Variants in ATP8A1 observed in about 807,000 individuals in gnomAD.
The protein encoded by ATP8A1 is ATPase phospholipid transporting 8A1.
In ATP8A1, 90 loss-of-function variants were observed where a neutral mutation model predicts 177.7. That is an observed-to-expected ratio of 0.51 (90% CI 0.43 to 0.60). The LOEUF is 0.60. ATP8A1 is among the 20% of genes least tolerant of loss of function. ATP8A1 has a pLI of 0.00. For synonymous variants in ATP8A1, 493 were observed against 485.9 expected (o/e 1.01, Z -0.19); for missense variants, 1,072 against 1,392.8 (o/e 0.77, Z 3.67).
chr4:42,558,677 GAA>G lies in ATP8A1; in HGVS notation c.1341-2639_1341-2638del, dbSNP rs1730502951. On this transcript the variant is annotated intron_variant, in intron 15 of 36. Coordinates refer to ENST00000381668, the MANE Select transcript of ATP8A1 (RefSeq NM_006095.2). ...CAGGAGAGCCATCAGAGAAAAGGAAGAAAAGAGCTGAATCCATACTTTTCACC... is the reference window on the plus strand; with the variant it reads ...CAGGAGAGCCATCAGAGAAAAGGAAGAAGAGCTGAATCCATACTTTTCACC... Among the ~76,000 whole-genome samples, 4 of 152,008 alleles carry G rather than the reference GAA, an allele frequency of 2.6e-5. 1 individual carries two copies. The Middle Eastern group carries it at 0.014, about 521-fold the overall frequency.
At chr4:42,591,545 T>C (rs755739756) in intron 6 of ATP8A1, among the ~76,000 whole-genome samples, 14 of 152,228 alleles carry the variant, frequency 9.2e-5, no homozygotes, top group Non-Finnish European at 1.5e-4. Context: ...ATTAATGAAG[T>C]CTAGAGAATG....
At chr4:42,639,947 T>A (rs1181669532) in intron 1 of ATP8A1, among the ~76,000 whole-genome samples, 1 of 152,244 alleles carries the variant, frequency 6.6e-6, no homozygotes, top group Non-Finnish European at 1.5e-5. Context: ...TACACGTCAT[T>A]TGCATGGATT....
chr4:42,468,462 CATACACAT>C (rs1389371009), intron 25 of ATP8A1, among the ~76,000 whole-genome samples: 3 of 149,152 alleles, frequency 2.0e-5, no homozygotes, highest in Middle Eastern at 3.2e-3. Flanking sequence ...CAGACACACA[CATACACAT>C]ATATGAATGA....
At chr4:42,653,563 G>T (rs886509424) in intron 1 of ATP8A1, among the ~76,000 whole-genome samples, 1 of 152,188 alleles carries the variant, frequency 6.6e-6, no homozygotes, top group Non-Finnish European at 1.5e-5. Flanking sequence ...TTTTGCAAAA[G>T]AGTCTATCTA....
chr4:42,548,358 C>T (rs73165776), intron 19 of ATP8A1, among the ~76,000 whole-genome samples: 226 of 152,230 alleles, frequency 1.5e-3, no homozygotes, highest in African/African-American at 4.8e-3. Flanking sequence ...TGGCCGTATA[C>T]GCTGGGCTTG....
chr4:42,524,787 G>A lies in ATP8A1; in HGVS notation c.1783C>T (p.His595Tyr). Residue 595 changes from histidine to tyrosine, a missense_variant, in exon 21 of 37, where the codon CAT becomes TAT. Physicochemically the swap from His to Tyr is moderately conservative, Grantham distance 83. Coordinates refer to ENST00000381668, the MANE Select transcript of ATP8A1 (RefSeq NM_006095.2). ...TSKYKEITLKHLEQFATEGLR... is the reference protein window; with the variant it reads ...TSKYKEITLKYLEQFATEGLR... The stretch of plus-strand genomic sequence containing the variant: ...CCTTCTGTAGCAAACTGCTCTAAAT[G>A]TTTTAGGGTAATTTCTTTGTATTTT... The A allele has an allele frequency of 9.9e-6, 16 of 1,609,496 alleles. No homozygotes were observed. Among genetic ancestry groups the A allele is most frequent in the Non-Finnish European group, 1.4e-5 (16 of 1,177,930 alleles).
At chr4:42,594,951 CT>C (rs1734580682) in intron 6 of ATP8A1, among the ~76,000 whole-genome samples, 1 of 152,082 alleles carries the variant, frequency 6.6e-6, no homozygotes, top group African/African-American at 2.4e-5. Flanking sequence ...CTTCATTGTA[CT>C]ACCTCTTAGC....
intron 25 of ATP8A1, among the ~76,000 whole-genome samples, chr4:42,468,365 GGTATGTGTGTATATATAT>G (rs1380214205): frequency 7.3e-5 from 11 of 151,672 alleles, no homozygotes; most frequent in African/African-American, 2.7e-4. Flanking sequence ...AAGAAACTGT[GGTATGTGTGTATATATAT>G]GTATGTGTGT....
intron 5 of ATP8A1, among the ~76,000 whole-genome samples, chr4:42,605,385 G>A (rs1296403198): frequency 6.6e-6 from 1 of 152,092 alleles, no homozygotes; most frequent in Non-Finnish European, 1.5e-5. Flanking sequence ...ATTTAATCTA[G>A]CCCTCCTCAA....
intron 35 of ATP8A1, chr4:42,414,982 C>A (rs998233609): frequency 1.6e-5 from 7 of 430,602 alleles, no homozygotes; most frequent in Non-Finnish European, 3.0e-5. Flanking sequence ...CACCACCCCC[C>A]ACTCAGTTAT....
chr4:42,566,254 C>T (rs954688815), intron 15 of ATP8A1, among the ~76,000 whole-genome samples: 5 of 151,906 alleles, frequency 3.3e-5, no homozygotes, highest in East Asian at 1.9e-4. Flanking sequence ...TGGTTCAAGT[C>T]GGGCAGTAAA....
At chr4:42,435,430 A>AAAAAAC (rs1715818937) in intron 33 of ATP8A1, among the ~76,000 whole-genome samples, 1 of 70,714 alleles carries the variant, frequency 1.4e-5, no homozygotes, top group African/African-American at 6.9e-5. Flanking sequence ...TCATCTCAAA[A>AAAAAAC]AAAAAAAAAA....
At chr4:42,543,641 T>G (rs1244268042) in intron 20 of ATP8A1, among the ~76,000 whole-genome samples, 1 of 152,226 alleles carries the variant, frequency 6.6e-6, no homozygotes, top group East Asian at 1.9e-4. Context: ...TTAACTGTCT[T>G]CTAACAATTT....
chr4:42,627,600 C>A (rs10938201), intron 1 of ATP8A1, among the ~76,000 whole-genome samples: 34,218 of 152,114 alleles, frequency 0.22, 4,326 homozygotes, highest in Non-Finnish European at 0.29. Flanking sequence ...TCACTATCAT[C>A]ACCTATTTTT....
rs1451769878 is a variant in ATP8A1, at chr4:42,588,146, GGAA to G, written c.594+111_594+113del. The G allele has an allele frequency of 1.5e-3, 1,164 of 772,404 alleles. 4 individuals are homozygous for G. Among genetic ancestry groups the G allele is most frequent in the South Asian group, 3.0e-3 (141 of 47,506 alleles). The allele number at this position is 772,404 out of a possible 1,614,324, so 47.8% of individuals were successfully genotyped here. On this transcript the variant is annotated intron_variant, in intron 8 of 36. Coordinates refer to ENST00000381668, the MANE Select transcript of ATP8A1 (RefSeq NM_006095.2). ...AAAACCTCTTTGTTGTGGTTCCATG[GGAA>G]CATATTTGCAATAGGACAGATTAGT...
chr4:42,617,353 T>A (rs886233769), intron 4 of ATP8A1, among the ~76,000 whole-genome samples: 2 of 152,192 alleles, frequency 1.3e-5, no homozygotes, highest in African/African-American at 4.8e-5. Context: ...CAATCAGAAC[T>A]CCTTTTCAGT....
intron 13 of ATP8A1, 90 bp downstream of exon 13, chr4:42,575,532 T>A (rs1214199075): frequency 1.7e-5 from 16 of 968,966 alleles, no homozygotes. Flanking sequence ...TTAAAAGCTG[T>A]CCATTCATCT....
rs1488007474 is a variant in ATP8A1, at chr4:42,493,431, C to T, written c.2152-7763G>A. 2.6e-5 allele frequency among the ~76,000 whole-genome samples: 4 copies of T among 152,316 alleles called. No individual in the cohort carries two copies. The East Asian group carries it at 7.7e-4, about 29-fold the overall frequency. ...AATAGTTTCAACCACTTACTTAAGA[C>T]AGCAAGAACTCCAAAACCCTTTTGG... On this transcript the variant is annotated intron_variant, in intron 24 of 36. Transcript: ENST00000381668.
chr4:42,600,935 T>A (rs1046770745), intron 5 of ATP8A1, among the ~76,000 whole-genome samples: 1 of 152,090 alleles, frequency 6.6e-6, no homozygotes, highest in Non-Finnish European at 1.5e-5. Context: ...TAGTAAAAAT[T>A]TAACACATAA....
Sources: gnomAD v4.1 joint callset for allele counts (sites outside exome capture counted in the v4.1 genomes callset) on GRCh38, gnomAD v4.1.1 for gene constraint, MANE v1.5 for transcripts, NCBI Gene and HGNC (gene_info 2026-07-23, HGNC 2026-07-21) for gene names.